RAD51B: variants seen among roughly 807,000 people sequenced by gnomAD.
RAD51B encodes the protein DNA repair protein RAD51 homolog 2.
Under a neutral mutation model 42.2 loss-of-function variants are expected in RAD51B, and 38 were observed. The observed-to-expected ratio is 0.90, with a 90% CI of 0.70 to 1.18. The LOEUF is 1.18. Among genes scored for constraint, RAD51B ranks in the 50% most tolerant of loss-of-function variants. The probability of loss-of-function intolerance (pLI) is 0.00; values close to 1 mark genes in which losing one functional copy is unlikely to be tolerated. For missense variants in RAD51B, 373 were observed against 400.7 expected (o/e 0.93, Z 0.59); for synonymous variants, 154 against 145.2 (o/e 1.06, Z -0.43).
At chr14:68,228,569 T>A (rs981845596) in intron 7 of RAD51B, among the ~76,000 whole-genome samples, 2 of 152,226 alleles carry the variant, frequency 1.3e-5, no homozygotes, top group African/African-American at 4.8e-5. Flanking sequence ...AACTTAGTTC[T>A]ATTCATCATT....
chr14:68,323,447 G>T (rs1442730334), intron 8 of RAD51B, among the ~76,000 whole-genome samples: 1 of 152,296 alleles, frequency 6.6e-6, no homozygotes, highest in African/African-American at 2.4e-5. Flanking sequence ...TAAGGGTGGT[G>T]TTCCTTAGGG....
intron 7 of RAD51B, among the ~76,000 whole-genome samples, chr14:68,196,077 G>A (rs749330052): frequency 1.4e-4 from 21 of 151,264 alleles, no homozygotes; most frequent in Non-Finnish European, 2.7e-4. Context: ...GGTGGCAGGC[G>A]CCTGTAGTCC....
At chr14:68,553,796 G>A (rs909200319) in intron 10 of RAD51B, among the ~76,000 whole-genome samples, 3 of 152,012 alleles carry the variant, frequency 2.0e-5, no homozygotes, top group Admixed American at 1.3e-4. Flanking sequence ...AGGTCAGAGG[G>A]GCTGGTGAGA....
Position 68,118,343 on chromosome 14 carries a change from C to T in RAD51B, c.757-173541C>T, listed in dbSNP as rs540220693. The stretch of plus-strand genomic sequence containing the variant: ...TAATATCCTTTTTCTGCTTCAGGAT[C>T]TAATCCAGCATCCCACATTGCATTT... On this transcript the variant is annotated intron_variant, in intron 7 of 10. Coordinates refer to ENST00000471583, the MANE Select transcript of RAD51B (RefSeq NM_133510.4). 6.6e-5 allele frequency among the ~76,000 whole-genome samples: 10 copies of T among 152,274 alleles called. No homozygotes were observed. The South Asian group carries it at 2.1e-3, about 32-fold the overall frequency.
chr14:67,866,846 A>C (rs943999456), intron 5 of RAD51B, among the ~76,000 whole-genome samples: 1 of 152,166 alleles, frequency 6.6e-6, no homozygotes, highest in African/African-American at 2.4e-5. Flanking sequence ...GCCAATGTGC[A>C]TGTTGGTATT....
At chr14:68,646,225 A>G (rs751644614) in intron 10 of RAD51B, among the ~76,000 whole-genome samples, 6 of 152,118 alleles carry the variant, frequency 3.9e-5, no homozygotes, top group Non-Finnish European at 7.4e-5. Context: ...ACTAACAGTA[A>G]GTAAGAATGC....
At chr14:68,163,382 A>T (rs2078684329) in intron 7 of RAD51B, among the ~76,000 whole-genome samples, 1 of 152,220 alleles carries the variant, frequency 6.6e-6, no homozygotes, top group Non-Finnish European at 1.5e-5. Context: ...CAGATCAATG[A>T]ACATTCCTCT....
At chr14:68,285,016 CTT>C (rs1176599548) in intron 7 of RAD51B, among the ~76,000 whole-genome samples, 2 of 152,180 alleles carry the variant, frequency 1.3e-5, no homozygotes, top group African/African-American at 4.8e-5. Flanking sequence ...TCCTTATTCT[CTT>C]TCTTCCTCTT....
At chr14:68,111,433 A>G (rs2077457702) in intron 7 of RAD51B, among the ~76,000 whole-genome samples, 2 of 152,078 alleles carry the variant, frequency 1.3e-5, no homozygotes, top group African/African-American at 4.8e-5. Flanking sequence ...AAGCAAATTT[A>G]TACACACAAA....
intron 10 of RAD51B, among the ~76,000 whole-genome samples, chr14:68,556,299 T>C (rs774668970): frequency 1.1e-4 from 17 of 152,184 alleles, no homozygotes; most frequent in Non-Finnish European, 2.2e-4. Context: ...TGTTGGACTT[T>C]CCTATCCTAC....
chr14:68,376,626 C>T (rs934392351), intron 8 of RAD51B, among the ~76,000 whole-genome samples: 5 of 149,498 alleles, frequency 3.3e-5, no homozygotes, highest in African/African-American at 7.7e-5. Flanking sequence ...TGACTTGTAC[C>T]GCATTCCTCC....
At chr14:68,135,343 C>T (rs959407704) in intron 7 of RAD51B, among the ~76,000 whole-genome samples, 1 of 152,190 alleles carries the variant, frequency 6.6e-6, no homozygotes, top group Non-Finnish European at 1.5e-5. Flanking sequence ...TCTTTCTACA[C>T]AATCCCAACC....
intron 7 of RAD51B, among the ~76,000 whole-genome samples, chr14:68,264,920 G>A (rs2080960511): frequency 6.6e-6 from 1 of 152,166 alleles, no homozygotes; most frequent in African/African-American, 2.4e-5. Flanking sequence ...AGAAAAACAT[G>A]GAATAGGGAA....
chr14:68,025,065 T>C (rs1204601995), intron 7 of RAD51B, among the ~76,000 whole-genome samples: 1 of 152,054 alleles, frequency 6.6e-6, no homozygotes, highest in Non-Finnish European at 1.5e-5. Flanking sequence ...CAAAGGGAAG[T>C]TGGATTTTAT....
At chr14:68,572,582 G>C (rs1889760117) in intron 10 of RAD51B, among the ~76,000 whole-genome samples, 1 of 152,108 alleles carries the variant, frequency 6.6e-6, no homozygotes, top group Non-Finnish European at 1.5e-5. Flanking sequence ...TCTGATTCCA[G>C]TAAGCCACCC....
At chr14:68,049,937 C>G (rs926866531) in intron 7 of RAD51B, among the ~76,000 whole-genome samples, 1 of 152,210 alleles carries the variant, frequency 6.6e-6, no homozygotes. Context: ...CCGGCTCCAA[C>G]GTAAAGCTTC....
chr14:68,462,767 G>T (rs1286632630), intron 9 of RAD51B, among the ~76,000 whole-genome samples: 1 of 152,194 alleles, frequency 6.6e-6, no homozygotes, highest in African/African-American at 2.4e-5. Flanking sequence ...TGCAGTTAAA[G>T]CCAAGCTGGT....
chr14:68,485,355 T>A (rs556453682), intron 10 of RAD51B, among the ~76,000 whole-genome samples: 2 of 152,232 alleles, frequency 1.3e-5, no homozygotes, highest in African/African-American at 4.8e-5. Context: ...GGTATAGGAC[T>A]AGTGAGTGGG....
intron 7 of RAD51B, among the ~76,000 whole-genome samples, chr14:68,267,141 G>A (rs7494633): frequency 5.3e-5 from 8 of 152,264 alleles, no homozygotes; most frequent in Non-Finnish European, 7.4e-5. Context: ...AAAGCAACTC[G>A]AAAAGGGGAA....
Sources: gnomAD v4.1 joint callset for allele counts (sites outside exome capture counted in the v4.1 genomes callset) on GRCh38, gnomAD v4.1.1 for gene constraint, MANE v1.5 for transcripts, NCBI Gene and HGNC (gene_info 2026-07-23, HGNC 2026-07-21) for gene names.